Variants in SYNPR observed in about 807,000 individuals in gnomAD.
The protein encoded by SYNPR is synaptoporin.
A neutral mutation model predicts 32.9 loss-of-function variants in SYNPR; 23 were observed. The ratio of observed to expected loss-of-function variants is 0.70; its 90% CI spans 0.50 to 0.99. SYNPR has a LOEUF of 0.99. Among genes scored for constraint, SYNPR ranks in the 50% least tolerant of loss-of-function variants. The probability of loss-of-function intolerance (pLI) is 0.00; values close to 1 mark genes in which losing one functional copy is unlikely to be tolerated. For missense variants in SYNPR, 318 were observed against 349.3 expected (o/e 0.91, Z 0.71); for synonymous variants, 146 against 135.9 (o/e 1.07, Z -0.52).
chr3:63,553,328 T>C (rs1405532107), intron 3 of SYNPR, among the ~76,000 whole-genome samples: 2 of 152,216 alleles, frequency 1.3e-5, no homozygotes, highest in Non-Finnish European at 2.9e-5. Context: ...ATTTTCTCTA[T>C]GTAATCAACC....
At chr3:63,486,668 CTTGA>C (rs1701161034) in intron 3 of SYNPR, among the ~76,000 whole-genome samples, 2 of 152,238 alleles carry the variant, frequency 1.3e-5, no homozygotes, top group African/African-American at 4.8e-5. Flanking sequence ...TGATCAACTG[CTTGA>C]TTGATCAATC....
intron 2 of SYNPR, among the ~76,000 whole-genome samples, chr3:63,264,651 A>G (rs933449499): frequency 6.6e-6 from 1 of 152,104 alleles, no homozygotes; most frequent in African/African-American, 2.4e-5. Flanking sequence ...TCGGTATATT[A>G]GTTAGTTCTC....
chr3:63,498,771 TA>T (rs1701421105), intron 3 of SYNPR, among the ~76,000 whole-genome samples: 2 of 151,780 alleles, frequency 1.3e-5, no homozygotes, highest in South Asian at 4.2e-4. Context: ...GTGGGCCCGA[TA>T]AGGCGTGTGA....
intron 2 of SYNPR, among the ~76,000 whole-genome samples, chr3:63,255,063 C>A (rs1382954885): frequency 6.6e-6 from 1 of 152,174 alleles, no homozygotes; most frequent in Non-Finnish European, 1.5e-5. Context: ...GTCCATGGTA[C>A]TTTGTTATGG....
chr3:63,497,229 G>A (rs1701389791), intron 3 of SYNPR, among the ~76,000 whole-genome samples: 1 of 152,076 alleles, frequency 6.6e-6, no homozygotes, highest in Non-Finnish European at 1.5e-5. Context: ...TTGAAAATTT[G>A]TATATTGAAT....
the SYNPR span, among the ~76,000 whole-genome samples, chr3:63,219,908 C>T: frequency 9.9e-5 from 15 of 152,056 alleles, no homozygotes. Flanking sequence ...AATTTTATTG[C>T]AAAACATCTG....
At chr3:63,476,151 G>GGAAGGAAGGAAGGAAGGAAGGAAAGA (rs1559510421) in intron 2 of SYNPR, among the ~76,000 whole-genome samples, 3 of 29,590 alleles carry the variant, frequency 1.0e-4, no homozygotes, top group African/African-American at 4.6e-4. Flanking sequence ...GGAAGGAAGG[G>GGAAGGAAGGAAGGAAGGAAGGAAAGA]AGGGAGGGAG....
At chr3:63,398,648 G>C (rs2088250265) in intron 2 of SYNPR, among the ~76,000 whole-genome samples, 1 of 151,996 alleles carries the variant, frequency 6.6e-6, no homozygotes, top group African/African-American at 2.4e-5. Context: ...GAACCTAGGA[G>C]GCGGAGCTTG....
At chr3:63,559,366 C>T (rs1049422831) in intron 4 of SYNPR, among the ~76,000 whole-genome samples, 1 of 152,118 alleles carries the variant, frequency 6.6e-6, no homozygotes, top group South Asian at 2.1e-4. Context: ...GCGTGAGCCA[C>T]CATGCCCAGC....
intron 4 of SYNPR, among the ~76,000 whole-genome samples, chr3:63,588,996 C>T (rs569150432): frequency 1.2e-4 from 19 of 152,222 alleles, no homozygotes; most frequent in African/African-American, 4.3e-4. Context: ...CAGCAAATAG[C>T]CCAAGGAGTC....
intron 2 of SYNPR, among the ~76,000 whole-genome samples, chr3:63,339,233 T>A (rs1031807504): frequency 6.6e-6 from 1 of 152,204 alleles, no homozygotes; most frequent in Admixed American, 6.5e-5. Context: ...ACCTACTATG[T>A]CCCAGGCACA....
At chr3:63,441,072 C>A (rs1354036472) in intron 2 of SYNPR, among the ~76,000 whole-genome samples, 1 of 152,172 alleles carries the variant, frequency 6.6e-6, no homozygotes, top group Admixed American at 6.5e-5. Flanking sequence ...TAGACAATGG[C>A]ATACAATTAG....
In SYNPR at chr3:63,418,428, C is replaced by A. The variant is rs915808544; in HGVS notation, c.85-62404C>A. On this transcript the variant is annotated intron_variant, in intron 2 of 5. Coordinates refer to ENST00000478300, the MANE Select transcript of SYNPR (RefSeq NM_001130003.2). ...CTGAGCCCTCCAAACTGTTCCAACC[C>A]CTGCCTGTTAGCCAGTTCCAAAGTC... Among the ~76,000 whole-genome samples the A allele has an allele frequency of 2.6e-5, 4 of 152,138 alleles. No individual in the cohort carries two copies. In the South Asian group the frequency reaches 8.3e-4, roughly 32 times the overall value.
intron 2 of SYNPR, among the ~76,000 whole-genome samples, chr3:63,318,498 C>G (rs917137074): frequency 6.6e-6 from 1 of 151,800 alleles, no homozygotes; most frequent in African/African-American, 2.4e-5. Context: ...AATTCAAAGA[C>G]CTTGTCTTTG....
chr3:63,545,308 G>A (rs1279724556), intron 3 of SYNPR: 1 of 152,008 alleles, frequency 6.6e-6, no homozygotes, highest in African/African-American at 2.4e-5. Context: ...CCAAAGTGAT[G>A]GGGTTTAGTA....
chr3:63,294,604 G>A (rs1314050773), intron 2 of SYNPR, among the ~76,000 whole-genome samples: 1 of 152,088 alleles, frequency 6.6e-6, no homozygotes, highest in Non-Finnish European at 1.5e-5. Context: ...TATTTAGATT[G>A]TTGTTCTTTG....
chr3:63,563,244 T>C (rs1702722953), intron 4 of SYNPR, among the ~76,000 whole-genome samples: 1 of 152,190 alleles, frequency 6.6e-6, no homozygotes, highest in South Asian at 2.1e-4. Flanking sequence ...GGTTGAACCA[T>C]CCAATTAACC....
In SYNPR at chr3:63,359,447, A is replaced by C. The variant is rs79378838; in HGVS notation, c.84+80705A>C. On this transcript the variant is annotated intron_variant, in intron 2 of 5. Transcript: ENST00000478300. ...CAACAAAGGCTCAGTGTAAAATCAC[A>C]CTGTGCTACCAGAAAATAAAAAGCA... Among the ~76,000 whole-genome samples the C allele has an allele frequency of 3.6e-4, 55 of 152,354 alleles. 1 individual carries two copies. In the East Asian group the frequency reaches 9.5e-3, roughly 26 times the overall value.
At chr3:63,390,634 T>C (rs556558023) in intron 2 of SYNPR, among the ~76,000 whole-genome samples, 1 of 152,336 alleles carries the variant, frequency 6.6e-6, no homozygotes, top group South Asian at 2.1e-4. Context: ...GTTTAATTCC[T>C]AGGGCTTCGG....
Sources: allele counts gnomAD v4.1 joint callset (sites outside exome capture counted in the v4.1 genomes callset), GRCh38; gene constraint gnomAD v4.1.1; transcripts MANE v1.5; gene names NCBI Gene and HGNC (gene_info 2026-07-23, HGNC 2026-07-21).